The following MOB1B variants were observed in gnomAD, a reference collection of about 807,000 sequenced individuals.
MOB1B encodes MOB kinase activator 1B.
A neutral mutation model predicts 24.4 loss-of-function variants in MOB1B; 19 were observed. The ratio of observed to expected loss-of-function variants is 0.78; its 90% CI spans 0.54 to 1.14. MOB1B has a LOEUF of 1.14. MOB1B is among the 50% of genes most tolerant of loss of function. MOB1B has a pLI of 0.00. For missense variants in MOB1B, 243 were observed against 259.6 expected (o/e 0.94, Z 0.44); for synonymous variants, 76 against 82.1 (o/e 0.93, Z 0.40).
At chr4:70,976,257 G>A (rs186747930) in intron 4 of MOB1B, 201 of 984,216 alleles carry the variant, frequency 2.0e-4, no homozygotes, top group Admixed American at 1.6e-3. Flanking sequence ...TGGATATTGA[G>A]TAGATTGCTA....
chr4:70,911,062 A>C (rs1194007503), intron 1 of MOB1B, among the ~76,000 whole-genome samples: 1 of 152,220 alleles, frequency 6.6e-6, no homozygotes, highest in Admixed American at 6.5e-5. Context: ...CTGGGATTAC[A>C]GGCGTGAGCC....
intron 1 of MOB1B, among the ~76,000 whole-genome samples, chr4:70,915,306 T>C (rs184498947): frequency 3.9e-5 from 6 of 152,300 alleles, no homozygotes; most frequent in African/African-American, 1.4e-4. Flanking sequence ...GAACAAAGAA[T>C]TGGACAAAAT....
intron 1 of MOB1B, among the ~76,000 whole-genome samples, chr4:70,927,634 C>T (rs907288891): frequency 1.3e-5 from 2 of 152,146 alleles, no homozygotes; most frequent in African/African-American, 2.4e-5. Context: ...ATTGAGCTTC[C>T]GGTTTTTAGT....
chr4:70,946,729 A>G (rs1737597398), intron 1 of MOB1B, among the ~76,000 whole-genome samples: 2 of 152,162 alleles, frequency 1.3e-5, no homozygotes. Context: ...AAAAAGAAAC[A>G]CAAGTCACAG....
At chr4:70,941,694 T>C (rs1157275298) in intron 1 of MOB1B, among the ~76,000 whole-genome samples, 1 of 152,200 alleles carries the variant, frequency 6.6e-6, no homozygotes, top group Non-Finnish European at 1.5e-5. Context: ...TTGTGACATT[T>C]CTCTTTGGTA....
At chr4:70,967,290 T>C (rs1738572500) in intron 2 of MOB1B, among the ~76,000 whole-genome samples, 1 of 152,190 alleles carries the variant, frequency 6.6e-6, no homozygotes, top group Non-Finnish European at 1.5e-5. Context: ...CATGCTGCCA[T>C]GTCCGGCTAA....
chr4:70,941,899 A>T (rs1308812053), intron 1 of MOB1B, among the ~76,000 whole-genome samples: 3 of 152,200 alleles, frequency 2.0e-5, no homozygotes, highest in Admixed American at 1.3e-4. Flanking sequence ...ATTTGATGGT[A>T]ACCCTGTATA....
intron 1 of MOB1B, among the ~76,000 whole-genome samples, chr4:70,912,112 G>C (rs1444445317): frequency 1.3e-5 from 2 of 151,942 alleles, no homozygotes; most frequent in Non-Finnish European, 2.9e-5. Context: ...GGCCAGGCTG[G>C]TCTTGAACTC....
intron 4 of MOB1B, 35 bp downstream of exon 4, chr4:70,975,321 A>G (rs945638605): frequency 1.9e-6 from 3 of 1,603,574 alleles, no homozygotes; most frequent in African/African-American, 1.3e-5. Context: ...ATCCATCATG[A>G]TTTATCTTTT....
At chr4:70,917,213 G>C (rs1316958047) in intron 1 of MOB1B, among the ~76,000 whole-genome samples, 5 of 152,144 alleles carry the variant, frequency 3.3e-5, no homozygotes, top group African/African-American at 4.8e-5. Flanking sequence ...ATGAGGCAAC[G>C]TATGTACCAT....
chr4:70,962,844 C>A (rs1738359776), intron 2 of MOB1B, among the ~76,000 whole-genome samples: 1 of 151,824 alleles, frequency 6.6e-6, no homozygotes, highest in Admixed American at 6.6e-5. Context: ...ACTAAAAATA[C>A]AAATAAAAAA....
chr4:70,946,572 A>G (rs1456089368), intron 1 of MOB1B, among the ~76,000 whole-genome samples: 1 of 152,228 alleles, frequency 6.6e-6, no homozygotes, highest in Non-Finnish European at 1.5e-5. Context: ...ATTTATACGC[A>G]TGTAAGTGCA....
In MOB1B at chr4:70,958,997, G is replaced by A; in HGVS notation, c.138G>A (p.Met46Ile). 2 of 1,614,154 alleles carry A rather than the reference G, an allele frequency of 1.2e-6. No individual in the cohort carries two copies. The highest frequency in any genetic ancestry group is 2.2e-5 in the East Asian group (1 of 44,880). ...LGSGNLRMAV[M>I]LPEGEDLNEW... The stretch of plus-strand genomic sequence containing the variant: ...GTGGCAACCTTCGGATGGCTGTCAT[G>A]CTTCCTGAAGGGGAAGATCTCAATG... Residue 46 changes from methionine (M) to isoleucine (I), a missense_variant, in exon 2 of 6, where the codon ATG (methionine) becomes ATA (isoleucine). By Grantham distance (10) the Met-to-Ile change is conservative (BLOSUM62 1). Transcript: ENST00000309395.
rs1196552370 is a variant in MOB1B at position 70,987,142 on chromosome 4, G to A, written c.*5085G>A. ...GATTTTGCAGGTCTTCATTGTTAGA[G>A]ATTCTGAAGTATTTACTGTCAATTC... On this transcript the variant is annotated 3_prime_UTR_variant, in exon 6 of 6. Transcript: ENST00000309395. 6.6e-6 allele frequency: 1 copy of A among 152,006 alleles called. No homozygotes were observed. The highest frequency in any genetic ancestry group is 1.5e-5 in the Non-Finnish European group (1 of 67,938). The allele number at this position is 152,006 out of a possible 1,614,324, so 9.4% of individuals were successfully genotyped here.
chr4:70,975,263 A>G lies in MOB1B; in HGVS notation c.386A>G (p.Glu129Gly). The change falls in exon 4 of 6, where the codon GAG becomes GGG. Residue 129 changes from glutamate to glycine, a missense_variant. Coordinates refer to ENST00000309395, the MANE Select transcript of MOB1B (RefSeq NM_173468.4). ...TGGGTTCAGGACCAGTTGGATGATG[A>G]GACGTTATTTCCATCAAAAATTGGT... The part of the protein sequence containing the change: ...MTWVQDQLDD[E>G]TLFPSKIGVP... 3.1e-6 allele frequency: 5 copies of G among 1,613,352 alleles called. No individual in the cohort carries two copies. In the East Asian group the frequency reaches 8.9e-5, roughly 29 times the overall value.
intron 3 of MOB1B, among the ~76,000 whole-genome samples, chr4:70,974,560 A>G (rs914581077): frequency 1.3e-5 from 2 of 152,252 alleles, no homozygotes; most frequent in Admixed American, 1.3e-4. Flanking sequence ...TGTTTATTGA[A>G]TCAAAGGATG....
At chr4:70,952,074 C>T (rs1344138985) in intron 1 of MOB1B, among the ~76,000 whole-genome samples, 1 of 152,138 alleles carries the variant, frequency 6.6e-6, no homozygotes, top group Non-Finnish European at 1.5e-5. Context: ...TGTAACTGCT[C>T]TTTAAAACAA....
chr4:70,912,285 T>A (rs1358240355), intron 1 of MOB1B, among the ~76,000 whole-genome samples: 22 of 1,818 alleles, frequency 0.012, no homozygotes, highest in Non-Finnish European at 0.022. Flanking sequence ...TAAATTAAAT[T>A]TTTTTTTTTT....
intron 1 of MOB1B, among the ~76,000 whole-genome samples, chr4:70,955,927 G>T (rs1738029198): frequency 1.3e-5 from 2 of 151,886 alleles, no homozygotes; most frequent in African/African-American, 4.8e-5. Context: ...TTTGGAGGCA[G>T]AGCCTCACTG....
Sources: allele counts gnomAD v4.1 joint callset (sites outside exome capture counted in the v4.1 genomes callset), GRCh38; gene constraint gnomAD v4.1.1; transcripts MANE v1.5; gene names NCBI Gene and HGNC (gene_info 2026-07-23, HGNC 2026-07-21).